Variants in TSGA10 observed in about 807,000 individuals in gnomAD.
The protein encoded by TSGA10 is testis specific 10.
In TSGA10, 43 loss-of-function variants were observed where a neutral mutation model predicts 96.6. The observed-to-expected ratio is 0.44, with a 90% CI of 0.35 to 0.57. The LOEUF is 0.57. Among genes scored for constraint, TSGA10 ranks in the 20% least tolerant of loss-of-function variants. The pLI is 0.01. For synonymous variants in TSGA10, 229 were observed against 269.9 expected, an observed-to-expected ratio of 0.85 and a Z score of 1.48; for missense variants, 703 against 834.4, an observed-to-expected ratio of 0.84 and a Z score of 1.94.
At chr2:99,081,076 T>G (rs549692541) in intron 11 of TSGA10, among the ~76,000 whole-genome samples, 2 of 152,268 alleles carry the variant, frequency 1.3e-5, no homozygotes, top group African/African-American at 2.4e-5. Context: ...CATTGATAAA[T>G]TTTAACTTAT....
intron 10 of TSGA10, among the ~76,000 whole-genome samples, chr2:99,100,126 A>T (rs2090522573): frequency 6.6e-6 from 1 of 152,192 alleles, no homozygotes; most frequent in South Asian, 2.1e-4. Context: ...ATTCAACTCA[A>T]TGCCATTAAA....
intron 1 of TSGA10, among the ~76,000 whole-genome samples, chr2:99,144,759 C>A (rs1052185002): frequency 6.6e-6 from 1 of 151,408 alleles, no homozygotes; most frequent in African/African-American, 2.4e-5. Context: ...GTTCCAGGCC[C>A]CATGTCACTA....
intron 2 of TSGA10, among the ~76,000 whole-genome samples, chr2:99,122,832 C>A (rs952274183): frequency 2.0e-5 from 3 of 151,804 alleles, no homozygotes; most frequent in Admixed American, 1.3e-4. Flanking sequence ...TTCATTTACC[C>A]ATATTTTTTG....
At chr2:99,130,928 G>A (rs1270276157) in intron 1 of TSGA10, among the ~76,000 whole-genome samples, 2 of 152,124 alleles carry the variant, frequency 1.3e-5, no homozygotes, top group East Asian at 3.8e-4. Context: ...AGATCAGATG[G>A]TTGTAGATGT....
intron 6 of TSGA10, 152 bp downstream of exon 6, chr2:99,109,237 G>A: frequency 1.2e-6 from 1 of 807,042 alleles, no homozygotes; most frequent in Non-Finnish European, 2.0e-6. Flanking sequence ...GTAGTCTACT[G>A]TGCCATCAAA....
chr2:99,008,375 C>T (rs141236975), intron 20 of TSGA10, among the ~76,000 whole-genome samples: 74 of 152,082 alleles, frequency 4.9e-4, no homozygotes, highest in Admixed American at 1.1e-3. Flanking sequence ...GAAAAATAGA[C>T]GAAGAAATGA....
intron 16 of TSGA10, among the ~76,000 whole-genome samples, chr2:99,042,604 G>T (rs192468363): frequency 6.6e-6 from 1 of 152,264 alleles, no homozygotes; most frequent in East Asian, 1.9e-4. Context: ...TTGGGGCATA[G>T]CTTTCTGAAC....
chr2:99,067,665 T>A (rs150135020), intron 15 of TSGA10, among the ~76,000 whole-genome samples: 1 of 152,034 alleles, frequency 6.6e-6, no homozygotes, highest in East Asian at 1.9e-4. Flanking sequence ...CCAGACTGGC[T>A]AACATGGCGA....
At chr2:99,027,678 A>T (rs2080749646) in intron 17 of TSGA10, among the ~76,000 whole-genome samples, 1 of 149,792 alleles carries the variant, frequency 6.7e-6, no homozygotes, top group Non-Finnish European at 1.5e-5. Context: ...ATACATAATT[A>T]TTATTTGTCA....
At chr2:99,132,647 T>A (rs913206170) in intron 1 of TSGA10, among the ~76,000 whole-genome samples, 4 of 152,202 alleles carry the variant, frequency 2.6e-5, no homozygotes, top group African/African-American at 7.2e-5. Context: ...TATCTTCTGC[T>A]AGCTTTTGAA....
At chr2:99,100,670 A>G (rs1377675858) in intron 10 of TSGA10, among the ~76,000 whole-genome samples, 3 of 151,706 alleles carry the variant, frequency 2.0e-5, no homozygotes, top group African/African-American at 7.3e-5. Flanking sequence ...AATACAAAAA[A>G]TTAGCCAGGC....
intron 17 of TSGA10, among the ~76,000 whole-genome samples, chr2:99,026,501 G>C (rs1200523574): frequency 6.6e-6 from 1 of 151,544 alleles, no homozygotes; most frequent in Non-Finnish European, 1.5e-5. Flanking sequence ...CTCACTGTAA[G>C]CTCTGCCTCC....
chr2:98,998,228 G>A lies in TSGA10; in HGVS notation c.2073-7C>T. On this transcript the variant is annotated splice_polypyrimidine_tract_variant and splice_region_variant and intron_variant, in intron 20 of 20. Coordinates refer to ENST00000393483, the MANE Select transcript of TSGA10 (RefSeq NM_025244.4). ...ATCTCTGTAGCAAAGATTCCTATAA[G>A]AGAAAAAATCATGCTGATTAATATT... is the stretch of plus-strand genomic sequence containing the variant. 4.4e-6 allele frequency: 7 copies of A among 1,591,810 alleles called. No individual in the cohort carries two copies. The highest frequency in any genetic ancestry group is 2.7e-5 in the African/African-American group (2 of 73,900).
intron 7 of TSGA10, among the ~76,000 whole-genome samples, chr2:99,106,834 C>T (rs1186472600): frequency 6.6e-6 from 1 of 152,118 alleles, no homozygotes; most frequent in African/African-American, 2.4e-5. Context: ...TTCCCTTCTG[C>T]ATCTTGAATA....
intron 10 of TSGA10, among the ~76,000 whole-genome samples, chr2:99,086,117 C>A (rs574720414): frequency 2.6e-5 from 4 of 152,126 alleles, no homozygotes; most frequent in African/African-American, 9.7e-5. Context: ...AACAAACACC[C>A]ATGACAGGGG....
At chr2:99,150,668 C>T (rs199883828) in intron 1 of TSGA10, 2 of 1,613,770 alleles carry the variant, frequency 1.2e-6, no homozygotes, top group East Asian at 4.5e-5. Flanking sequence ...TTGGAACCAG[C>T]GACTCAGTTA....
chr2:99,062,404 G>C (rs1003026244), intron 16 of TSGA10, among the ~76,000 whole-genome samples: 1 of 152,090 alleles, frequency 6.6e-6, no homozygotes, highest in Non-Finnish European at 1.5e-5. Context: ...AGTAAAAATA[G>C]ACTAATAACC....
chr2:99,151,642 A>G (rs557862723), intron 1 of TSGA10, among the ~76,000 whole-genome samples: 1 of 152,344 alleles, frequency 6.6e-6, no homozygotes, highest in Admixed American at 6.5e-5. Context: ...ACTGCAAAAG[A>G]CCAATAAATT....
At chr2:99,054,979 A>C (rs1023218089) in intron 16 of TSGA10, among the ~76,000 whole-genome samples, 5 of 152,206 alleles carry the variant, frequency 3.3e-5, no homozygotes, top group Non-Finnish European at 7.3e-5. Context: ...AAACAGAACT[A>C]CTATATAATC....
Sources: gnomAD v4.1 joint callset for allele counts (sites outside exome capture counted in the v4.1 genomes callset) on GRCh38, gnomAD v4.1.1 for gene constraint, MANE v1.5 for transcripts, NCBI Gene and HGNC (gene_info 2026-07-23, HGNC 2026-07-21) for gene names.